The following GPANK1 variants were observed in gnomAD, a reference collection of about 807,000 sequenced individuals.
GPANK1 encodes the protein G-patch domain and ankyrin repeats 1.
Under a neutral mutation model 24.0 loss-of-function variants are expected in GPANK1, and 22 were observed. The ratio of observed to expected loss-of-function variants is 0.92; its 90% CI spans 0.66 to 1.31. The LOEUF (loss-of-function observed/expected upper bound fraction) is 1.31. Ranked by LOEUF, GPANK1 falls within the 50% of genes most tolerant of loss-of-function variation. The probability of loss-of-function intolerance (pLI) is 0.00; values close to 1 mark genes in which losing one functional copy is unlikely to be tolerated. For missense variants in GPANK1, 469 were observed against 453.5 expected, an observed-to-expected ratio of 1.03 and a Z score of -0.31; for synonymous variants, 174 against 177.4, an observed-to-expected ratio of 0.98 and a Z score of 0.15.
chr6:31,664,458 G>A lies in GPANK1; in HGVS notation c.21C>T (p.Ile7=). 6.2e-7 allele frequency: 1 copy of A among 1,613,294 alleles called. No homozygotes were observed. The highest frequency in any genetic ancestry group is 8.5e-7 in the Non-Finnish European group (1 of 1,179,498). The stretch of plus-strand genomic sequence containing the variant: ...TGGGGTCAGTGGCTGGGGTGAAGGT[G>A]ATGAGCAAGGGCCGGGACATGGCTT... MSRPLL[I]TFTPATDPSD... Residue 7 remains isoleucine, a synonymous_variant, in exon 2 of 3, where the codon ATC becomes ATT. Coordinates refer to ENST00000375896, the MANE Select transcript of GPANK1 (RefSeq NM_033177.4).
chr6:31,661,243 A>T lies in GPANK1; in HGVS notation c.*1023T>A, dbSNP rs1800805586. The T allele has an allele frequency of 8.4e-6, 1 of 118,724 alleles. No homozygotes were observed. Among genetic ancestry groups the T allele is most frequent in the African/African-American group, 3.9e-5 (1 of 25,340 alleles). The allele number at this position is 118,724 out of a possible 1,614,324, so 7.4% of individuals were successfully genotyped here. On this transcript the variant is annotated 3_prime_UTR_variant, in exon 3 of 3. Transcript: ENST00000375896. ...TGTAGACAAATGGGTGGAACAAAGA[A>T]GTTTAAAGTTTAGATTTGGGGGCTA...
Position 31,662,218 on chromosome 6 carries a change from G to A in GPANK1, c.*48C>T, listed in dbSNP as rs1062309. 0.039 allele frequency: 51,304 copies of A among 1,322,192 alleles called. 1,129 individuals are homozygous for A. The highest frequency in any genetic ancestry group is 0.045 in the Non-Finnish European group (43,280 of 962,438). 81.9% of individuals were successfully genotyped at this position (1,322,192 alleles called of 1,614,324 possible). On this transcript the variant is annotated 3_prime_UTR_variant, in exon 3 of 3. Transcript: ENST00000375896. This position sits in a 1 kb window ranked among gnomAD's most constrained non-coding sequence, Gnocchi z 5.5. ...GGAAGTCAAAGGGCCCAGGTCAGAGGCCCAAGTTCAGACTTCAGCAGCAGA... is the reference window on the plus strand; with the variant it reads ...GGAAGTCAAAGGGCCCAGGTCAGAGACCCAAGTTCAGACTTCAGCAGCAGA...
intron 2 of GPANK1, chr6:31,663,526 T>G: frequency 6.3e-6 from 2 of 317,462 alleles, no homozygotes; most frequent in Non-Finnish European, 1.1e-5. Context: ...ATAGCTAACA[T>G]TCATGTATTG....
At position 31,663,995 on chromosome 6, in the gene GPANK1, G is replaced by A. The variant is rs1801261386; in HGVS notation, c.484C>T (p.Leu162Phe). 1 of 1,614,154 alleles carries A rather than the reference G, an allele frequency of 6.2e-7. No individual in the cohort carries two copies. The highest frequency in any genetic ancestry group is 2.2e-5 in the East Asian group (1 of 44,874). ...ACCCAGGCAGCCCCACGGCCCAGGA[G>A]ATAGCTCACAGCTGCCCCCTGGCCC... ...RAGQGAAVSY[L>F]LGRGAAWVGV... is the part of the protein sequence containing the mutation. The change falls in exon 2 of 3, where the codon CTC becomes TTC. Residue 162 changes from leucine to phenylalanine, a missense_variant. Leu to Phe is a conservative substitution (Grantham distance 22, BLOSUM62 0). Coordinates refer to ENST00000375896, the MANE Select transcript of GPANK1 (RefSeq NM_033177.4).
At chr6:31,663,700 C>T (rs1801208497) in intron 2 of GPANK1, among the ~76,000 whole-genome samples, 153 bp downstream of exon 2, 1 of 152,188 alleles carries the variant, frequency 6.6e-6, no homozygotes. Context: ...CCAGGGAGCT[C>T]ATGTTTATAA....
chr6:31,665,719 G>T (rs3117579), upstream of GPANK1: 139,600 of 834,428 alleles, frequency 0.17, 13,034 homozygotes, highest in African/African-American at 0.2. Flanking sequence ...CAGCAGCGCC[G>T]CGCCGGGACT....
intron 1 of GPANK1, 69 bp downstream of exon 1, chr6:31,664,772 A>C (rs945438564): frequency 7.0e-6 from 3 of 426,658 alleles, no homozygotes; most frequent in South Asian, 4.7e-5. Context: ...TCCGGCCCCC[A>C]CCCCCATCCT....
chr6:31,664,179 A>G lies in GPANK1; in HGVS notation c.300T>C (p.Ala100=). 3 of 1,614,210 alleles carry G rather than the reference A, an allele frequency of 1.9e-6. 1 individual carries two copies. In the South Asian group the frequency reaches 3.3e-5, roughly 18 times the overall value. The change falls in exon 2 of 3, where the codon GCT becomes GCC. Residue 100 remains alanine (A), a synonymous_variant. Transcript: ENST00000375896. ...GRHGQGRSLE[A]EDKMTHRILR... ...GTATCCGGTGAGTCATCTTATCCTC[A>G]GCCTCAAGGGATCTCCCTTGTCCAT...
rs774980644 is a variant in GPANK1 at position 31,662,431 on chromosome 6, G to C, written c.906C>G (p.Pro302=). The C allele has an allele frequency of 1.9e-6, 3 of 1,612,438 alleles. No individual in the cohort carries two copies. Among genetic ancestry groups the C allele is most frequent in the Non-Finnish European group, 2.5e-6 (3 of 1,179,726 alleles). Residue 302 remains proline (P), a synonymous_variant, in exon 3 of 3, where the codon CCC becomes CCG. Coordinates refer to ENST00000375896, the MANE Select transcript of GPANK1 (RefSeq NM_033177.4). The surrounding 1 kb of genome is among the most constrained non-coding windows in gnomAD (Gnocchi z 5.5). ...DQEGLGYRSA[P]QPRVTHFPAW... ...CTGGGAAATGTGTCACTCGGGGCTG[G>C]GGTGCTGATCTGTAGCCTAGTCCTT...
chr6:31,665,694 G>A, upstream of GPANK1: 1 of 803,722 alleles, frequency 1.2e-6, no homozygotes, highest in Non-Finnish European at 2.0e-6. Context: ...GCCGAGGATA[G>A]GCCAGTCCCC....
chr6:31,662,290 C>A lies in GPANK1; in HGVS notation c.1047G>T (p.Arg349Ser). 6.4e-7 allele frequency: 1 copy of A among 1,561,668 alleles called. No homozygotes were observed. The highest frequency in any genetic ancestry group is 1.8e-5 in the Admixed American group (1 of 54,508). The part of the protein sequence containing the change: ...EKDRAWERDL[R>S]TYMNLEF Reference sequence around the variant, plus strand: ...GTCAGAACTCGAGGTTCATGTAAGTCCTTAGATCCCGCTCCCAAGCCCTGT... The same window carrying A: ...GTCAGAACTCGAGGTTCATGTAAGTACTTAGATCCCGCTCCCAAGCCCTGT... The change falls in exon 3 of 3, where the codon AGG becomes AGT. Residue 349 changes from arginine (R) to serine (S), a missense_variant. Coordinates refer to ENST00000375896, the MANE Select transcript of GPANK1 (RefSeq NM_033177.4). The surrounding 1 kb of genome is among the most constrained non-coding windows in gnomAD (Gnocchi z 5.5).
upstream of GPANK1, chr6:31,665,354 A>G: frequency 8.3e-7 from 1 of 1,200,894 alleles, no homozygotes; most frequent in Non-Finnish European, 1.2e-6. Flanking sequence ...AACCTGTGGA[A>G]TGCCGAGAAG....
upstream of GPANK1, chr6:31,665,814 G>C: frequency 1.0e-5 from 13 of 1,244,404 alleles, no homozygotes; most frequent in Middle Eastern, 6.3e-4. Context: ...TTCACCCAGT[G>C]AGCACAAAAC....
rs770072000 is a variant in GPANK1 at position 31,663,899 on chromosome 6, G to A, written c.580C>T (p.Arg194Cys). The A allele has an allele frequency of 6.2e-6, 10 of 1,604,360 alleles. No homozygotes were observed. In the East Asian group the frequency reaches 6.7e-5, roughly 11 times the overall value. ...AEEAGFPEVA[R>C]MVRESHGETR... is the part of the protein sequence containing the mutation. ...TCTCCATGGCTCTCCCTGACCATGC[G>A]GGCTACCTCAGGGAAGCCAGCTTCT... Residue 194 changes from arginine to cysteine, a missense_variant, in exon 2 of 3, where the codon CGC becomes TGC. By Grantham distance (180) the Arg-to-Cys change is radical. Transcript: ENST00000375896.
Position 31,663,938 on chromosome 6 carries a change from C to T in GPANK1, c.541G>A (p.Ala181Thr). ...GVCELSGRDA[A>T]QLAEEAGFPE... ...AAGCCAGCTTCTTCAGCGAGCTGAGCCGCATCCCTGCCACTCAGCTCACAG... is the reference window on the plus strand; with the variant it reads ...AAGCCAGCTTCTTCAGCGAGCTGAGTCGCATCCCTGCCACTCAGCTCACAG... The change falls in exon 2 of 3, where the codon GCT (alanine) becomes ACT (threonine). Residue 181 changes from alanine to threonine, a missense_variant. By Grantham distance (58) the Ala-to-Thr change is moderately conservative. Transcript: ENST00000375896. 3 of 1,613,778 alleles carry T rather than the reference C, an allele frequency of 1.9e-6. No individual in the cohort carries two copies. Among genetic ancestry groups the T allele is most frequent in the Non-Finnish European group, 2.5e-6 (3 of 1,179,840 alleles).
At chr6:31,665,907 G>C, upstream of GPANK1, 1 of 1,083,978 alleles carries the variant, frequency 9.2e-7, no homozygotes, top group Non-Finnish European at 1.1e-6. Context: ...GCCCGCAAGC[G>C]CCCTCCTCCG....
Position 31,664,436 on chromosome 6 carries a change from G to A in GPANK1, c.43C>T (p.Pro15Ser). ...TGCCCATCCTTCCAGAGGTCGCTGG[G>A]GTCAGTGGCTGGGGTGAAGGTGATG... ...LLITFTPATD[P>S]SDLWKDGQQQ... Residue 15 changes from proline (P) to serine (S), a missense_variant, in exon 2 of 3, where the codon CCC becomes TCC. By Grantham distance (74) the Pro-to-Ser change is moderately conservative. Coordinates refer to ENST00000375896, the MANE Select transcript of GPANK1 (RefSeq NM_033177.4). 1 of 1,613,998 alleles carries A rather than the reference G, an allele frequency of 6.2e-7. No homozygotes were observed.
In GPANK1 at chr6:31,663,972, C is replaced by A. The variant is rs778575734; in HGVS notation, c.507G>T (p.Trp169Cys). ...TGCCACTCAGCTCACAGACCCCCACCCAGGCAGCCCCACGGCCCAGGAGAT... is the reference window on the plus strand; with the variant it reads ...TGCCACTCAGCTCACAGACCCCCACACAGGCAGCCCCACGGCCCAGGAGAT... ...VSYLLGRGAAWVGVCELSGRD... is the reference protein window; with the variant it reads ...VSYLLGRGAACVGVCELSGRD... Residue 169 changes from tryptophan (W) to cysteine (C), a missense_variant, in exon 2 of 3, where the codon TGG becomes TGT. Trp to Cys is a radical substitution (Grantham distance 215). Transcript: ENST00000375896. 25 of 1,614,026 alleles carry A rather than the reference C, an allele frequency of 1.5e-5. No individual in the cohort carries two copies. The South Asian group carries it at 2.4e-4, about 16-fold the overall frequency.
Position 31,662,144 on chromosome 6 carries a change from C to T in GPANK1, c.*122G>A. On this transcript the variant is annotated 3_prime_UTR_variant, in exon 3 of 3. Coordinates refer to ENST00000375896, the MANE Select transcript of GPANK1 (RefSeq NM_033177.4). This position sits in a 1 kb window ranked among gnomAD's most constrained non-coding sequence, Gnocchi z 5.5. Reference sequence around the variant, plus strand: ...AGCCCGTCTCTCACGAAGACAGAGCCTATTGACCAAAAACTTCAGGATCTG... The same window carrying T: ...AGCCCGTCTCTCACGAAGACAGAGCTTATTGACCAAAAACTTCAGGATCTG... The T allele has an allele frequency of 5.2e-6, 3 of 581,300 alleles. No individual in the cohort carries two copies. Among genetic ancestry groups the T allele is most frequent in the Non-Finnish European group, 9.2e-6 (3 of 325,614 alleles). The allele number at this position is 581,300 out of a possible 1,614,324, so 36.0% of individuals were successfully genotyped here.
Sources: allele counts gnomAD v4.1 joint callset (sites outside exome capture counted in the v4.1 genomes callset), GRCh38; gene constraint gnomAD v4.1.1; non-coding constraint Gnocchi (gnomAD v3.1); transcripts MANE v1.5; gene names NCBI Gene and HGNC (gene_info 2026-07-23, HGNC 2026-07-21).